Variants in GLB1 observed in about 807,000 individuals in gnomAD.
GLB1 encodes the protein galactosidase beta 1.
Under a neutral mutation model 74.0 loss-of-function variants are expected in GLB1, and 56 were observed. The ratio of observed to expected loss-of-function variants is 0.76; its 90% CI spans 0.61 to 0.94. GLB1 has a LOEUF of 0.94. GLB1 is among the 40% of genes least tolerant of loss of function. GLB1 has a pLI of 0.00. For missense variants in GLB1, 787 were observed against 845.5 expected, an observed-to-expected ratio of 0.93 and a Z score of 0.86; for synonymous variants, 323 against 323.6, an observed-to-expected ratio of 1.00 and a Z score of 0.02.
chr3:33,010,838 C>T (rs1458217319), intron 15 of GLB1, among the ~76,000 whole-genome samples: 3 of 138,870 alleles, frequency 2.2e-5, no homozygotes, highest in Non-Finnish European at 4.7e-5. Flanking sequence ...AATTAAACAG[C>T]ATACTTTTTT....
In GLB1 at chr3:33,058,125, G is replaced by A; in HGVS notation, c.697C>T (p.Leu233=). The A allele has an allele frequency of 6.2e-7, 1 of 1,614,002 alleles. No homozygotes were observed. Among genetic ancestry groups the A allele is most frequent in the East Asian group, 2.2e-5 (1 of 44,870 alleles). The change falls in exon 6 of 16, where the codon CTG becomes TTG. Residue 233 remains leucine, a synonymous_variant. Coordinates refer to ENST00000307363, the MANE Select transcript of GLB1 (RefSeq NM_000404.4). ...AHKTFLKCGA[L]QGLYTTVDFG... is the part of the protein sequence containing the mutation. ...TCCACCGTGGTGTAGAGGCCCTGCA[G>A]GGCCCCACATTTCAGGAATGTTTTA...
At position 33,051,808 on chromosome 3, in the gene GLB1, A is replaced by G. The variant is rs770317304; in HGVS notation, c.915-10T>C. ...ACCTATAAACATGTACCTACAAGGA[A>G]ACAAAAGAACACGGTACTTCACTGT... is the stretch of plus-strand genomic sequence containing the variant. On this transcript the variant is annotated splice_polypyrimidine_tract_variant and intron_variant, in intron 8 of 15. Coordinates refer to ENST00000307363, the MANE Select transcript of GLB1 (RefSeq NM_000404.4). 8 of 1,614,052 alleles carry G rather than the reference A, an allele frequency of 5.0e-6. No individual in the cohort carries two copies. Among genetic ancestry groups the G allele is most frequent in the Middle Eastern group, 3.3e-4 (2 of 6,084 alleles).
chr3:33,016,685 T>C, intron 14 of GLB1, 24 bp downstream of exon 14: 1 of 1,613,014 alleles, frequency 6.2e-7, no homozygotes. Context: ...TAAACCTTAG[T>C]CTTGACAGTG....
chr3:33,072,062 C>T (rs1396989538), intron 2 of GLB1, among the ~76,000 whole-genome samples: 2 of 152,192 alleles, frequency 1.3e-5, no homozygotes, highest in African/African-American at 4.8e-5. Flanking sequence ...ATGCTTTTCT[C>T]CTGTTAACCT....
intron 10 of GLB1, chr3:33,034,827 TCC>T: frequency 1.7e-6 from 1 of 585,728 alleles, no homozygotes; most frequent in South Asian, 1.4e-5. Context: ...AGGCAGAGCC[TCC>T]CACCTGCCAG....
intron 1 of GLB1, chr3:33,077,105 G>T: frequency 7.1e-7 from 1 of 1,408,184 alleles, no homozygotes; most frequent in Non-Finnish European, 9.4e-7. Context: ...CACTGCTGCC[G>T]CCTCCTTCTT....
chr3:32,999,743 C>G (rs1696472720), intron 15 of GLB1, among the ~76,000 whole-genome samples: 1 of 152,162 alleles, frequency 6.6e-6, no homozygotes, highest in Non-Finnish European at 1.5e-5. Context: ...CTCCACCTCC[C>G]AAGTTCAAGA....
At chr3:32,973,218 T>TA in the GLB1 span, among the ~76,000 whole-genome samples, 1 of 152,188 alleles carries the variant, frequency 6.6e-6, no homozygotes, top group Non-Finnish European at 1.5e-5. Flanking sequence ...TCTGATTCCT[T>TA]AAAATCCCAC....
At chr3:32,979,037 C>T in the GLB1 span, among the ~76,000 whole-genome samples, 110,477 of 149,186 alleles carry the variant, frequency 0.74, 42,952 homozygotes, top group East Asian at 0.93. Flanking sequence ...AGGGCAATGG[C>T]GCAATCTCAA....
the GLB1 span, among the ~76,000 whole-genome samples, chr3:32,964,310 G>T: frequency 4.5e-4 from 69 of 152,328 alleles, 1 homozygote; most frequent in Middle Eastern, 0.014. Flanking sequence ...ATGGAGCATT[G>T]TGTGGTCTAG....
intron 12 of GLB1, among the ~76,000 whole-genome samples, chr3:33,020,830 T>C (rs545048205): frequency 3.9e-4 from 59 of 152,288 alleles, no homozygotes; most frequent in Admixed American, 6.5e-4. Context: ...TCTTAAAAGA[T>C]GTATGCTGTG....
chr3:33,077,956 T>C (rs2125562748), intron 1 of GLB1, among the ~76,000 whole-genome samples: 1 of 152,210 alleles, frequency 6.6e-6, no homozygotes, highest in Non-Finnish European at 1.5e-5. Context: ...TTGTTGTACA[T>C]AGTTGTTAAA....
chr3:33,079,893 C>T (rs6769787), intron 1 of GLB1, among the ~76,000 whole-genome samples: 21,404 of 152,062 alleles, frequency 0.14, 1,632 homozygotes, highest in Admixed American at 0.19. Flanking sequence ...GCGATCCTCC[C>T]ACCTCTGTTC....
chr3:33,067,727 C>T (rs1336595905), intron 4 of GLB1, among the ~76,000 whole-genome samples: 1 of 152,152 alleles, frequency 6.6e-6, no homozygotes, highest in African/African-American at 2.4e-5. Context: ...GATCTGGTTA[C>T]GTAGTTCAAA....
At position 33,058,286 on chromosome 3, in the gene GLB1, A is replaced by G. The variant is rs1194605833; in HGVS notation, c.553-17T>C. 3.7e-6 allele frequency: 6 copies of G among 1,614,064 alleles called. No individual in the cohort carries two copies. In the Admixed American group the frequency reaches 5.0e-5, roughly 13 times the overall value. On this transcript the variant is annotated splice_polypyrimidine_tract_variant and intron_variant, in intron 5 of 15. Transcript: ENST00000307363. ...ATTTTCAACCTGTGAGTGAAAAAAG[A>G]GCAGGGAAAAATGAGGAGATCCTAA...
chr3:32,997,547 C>T (rs1696365698), intron 15 of GLB1, among the ~76,000 whole-genome samples: 1 of 152,066 alleles, frequency 6.6e-6, no homozygotes, highest in South Asian at 2.1e-4. Context: ...AGGTGGATGC[C>T]CCCATCCACC....
At chr3:33,003,336 C>G (rs778331077) in intron 15 of GLB1, among the ~76,000 whole-genome samples, 6 of 152,224 alleles carry the variant, frequency 3.9e-5, no homozygotes, top group Non-Finnish European at 5.9e-5. Flanking sequence ...CAAACCACCT[C>G]ACGTATCTGG....
At chr3:33,032,018 G>A (rs1462404029) in intron 10 of GLB1, among the ~76,000 whole-genome samples, 2 of 151,920 alleles carry the variant, frequency 1.3e-5, no homozygotes, top group African/African-American at 2.4e-5. Context: ...GGCTGGTCTC[G>A]AACTCCTGAC....
At position 32,996,964 on chromosome 3, in the gene GLB1, A is replaced by G. The variant is rs1696326560; in HGVS notation, c.*81T>C. The G allele has an allele frequency of 7.4e-6, 12 of 1,611,194 alleles. No homozygotes were observed. The highest frequency in any genetic ancestry group is 1.0e-5 in the Non-Finnish European group (12 of 1,178,642). On this transcript the variant is annotated 3_prime_UTR_variant, in exon 16 of 16. Coordinates refer to ENST00000307363, the MANE Select transcript of GLB1 (RefSeq NM_000404.4). ...AATTCCTTTTCCATTTCCACATTCC[A>G]ATCAGTGAAATGTGGCATGACAGGG...
Sources: allele counts gnomAD v4.1 joint callset (sites outside exome capture counted in the v4.1 genomes callset), GRCh38; gene constraint gnomAD v4.1.1; transcripts MANE v1.5; gene names NCBI Gene and HGNC (gene_info 2026-07-23, HGNC 2026-07-21).